Variants in RIPOR2 observed in about 807,000 individuals in gnomAD.
RIPOR2 encodes RHO family interacting cell polarization regulator 2, also known as rho family-interacting cell polarization regulator 2.
A neutral mutation model predicts 114.5 loss-of-function variants in RIPOR2; 39 were observed. The observed-to-expected ratio is 0.34, with a 90% CI of 0.26 to 0.44. The LOEUF is 0.44. Among genes scored for constraint, RIPOR2 ranks in the 20% least tolerant of loss-of-function variants. RIPOR2 has a pLI of 1.00. For synonymous variants in RIPOR2, 445 were observed against 484.4 expected, an observed-to-expected ratio of 0.92 and a Z score of 1.07; for missense variants, 1,007 against 1,255.1, an observed-to-expected ratio of 0.80 and a Z score of 2.99.
chr6:24,923,876 T>A (rs117983320), intron 1 of RIPOR2, among the ~76,000 whole-genome samples: 1 of 151,948 alleles, frequency 6.6e-6, no homozygotes, highest in African/African-American at 2.4e-5. Flanking sequence ...AATAAATAAA[T>A]AAACAAATAA....
rs146883635 is a variant in RIPOR2 at position 24,879,928 on chromosome 6, T to C, written c.62-4111A>G. Among the ~76,000 whole-genome samples, 65 of 152,314 alleles carry C rather than the reference T, an allele frequency of 4.3e-4. No individual in the cohort carries two copies. The East Asian group carries it at 0.012, about 28-fold the overall frequency. ...TCTAAAATTTTTGGGTTTTAAAGGC[T>C]TAATTGCCTCTGCCAGAGTAATCTG... On this transcript the variant is annotated intron_variant, in intron 1 of 21. Coordinates refer to ENST00000643898, the MANE Select transcript of RIPOR2 (RefSeq NM_001286445.3).
At chr6:24,994,927 A>G (rs991658638) in intron 1 of RIPOR2, among the ~76,000 whole-genome samples, 2 of 152,092 alleles carry the variant, frequency 1.3e-5, no homozygotes, top group Admixed American at 6.5e-5. Context: ...TGGAGCTCAC[A>G]TTTTGTTTAG....
chr6:25,014,703 A>G (rs553766426), intron 1 of RIPOR2, among the ~76,000 whole-genome samples: 1 of 152,328 alleles, frequency 6.6e-6, no homozygotes, highest in Admixed American at 6.5e-5. Context: ...TGGGAAGGAC[A>G]AGGAGGAGAA....
chr6:25,023,975 C>T (rs1776467469), intron 1 of RIPOR2: 2 of 734,566 alleles, frequency 2.7e-6, no homozygotes, highest in Non-Finnish European at 5.1e-6. Context: ...TTGGGAGTGA[C>T]CGGGATAGGA....
At chr6:24,857,259 A>G (rs932622022) in intron 8 of RIPOR2, among the ~76,000 whole-genome samples, 2 of 152,080 alleles carry the variant, frequency 1.3e-5, no homozygotes, top group African/African-American at 4.8e-5. Flanking sequence ...GCATTTTCAC[A>G]GTTGGAGAAA....
chr6:24,852,743 T>C, intron 8 of RIPOR2, 125 bp from the exon 9 acceptor site: 1 of 630,750 alleles, frequency 1.6e-6, no homozygotes, highest in Non-Finnish European at 2.6e-6. Flanking sequence ...ATAACACTTT[T>C]TGGGGCCATT....
At chr6:24,973,012 T>G (rs1581895677) in intron 1 of RIPOR2, among the ~76,000 whole-genome samples, 1 of 152,270 alleles carries the variant, frequency 6.6e-6, no homozygotes, top group East Asian at 1.9e-4. Context: ...ATCCCAGCTC[T>G]TTTAATTATC....
intron 12 of RIPOR2, among the ~76,000 whole-genome samples, chr6:24,845,808 G>C (rs573570309): frequency 6.6e-6 from 1 of 152,308 alleles, no homozygotes; most frequent in African/African-American, 2.4e-5. Flanking sequence ...CTGGAGCTCA[G>C]TGTGGAAGAT....
intron 1 of RIPOR2, among the ~76,000 whole-genome samples, chr6:24,928,654 C>G (rs1266792118): frequency 7.9e-5 from 12 of 152,156 alleles, no homozygotes; most frequent in Admixed American, 7.2e-4. Flanking sequence ...AATTCAAAGG[C>G]AAAGAAAGAA....
chr6:24,932,649 T>C (rs938086747), intron 1 of RIPOR2, among the ~76,000 whole-genome samples: 3 of 152,192 alleles, frequency 2.0e-5, no homozygotes, highest in Admixed American at 6.5e-5. Flanking sequence ...CAGATCTTTA[T>C]AGTGTCCATA....
intron 13 of RIPOR2, chr6:24,839,834 A>C: frequency 1.5e-6 from 2 of 1,299,392 alleles, no homozygotes; most frequent in Non-Finnish European, 1.9e-6. Context: ...GGCGCTAGCT[A>C]TCTAAGGCAT....
Position 24,920,981 on chromosome 6 carries a change from C to A in RIPOR2, c.61+14857G>T, listed in dbSNP as rs954645399. The stretch of plus-strand genomic sequence containing the variant: ...CTCCTAACCTACCTTTTCCCCTATT[C>A]CCCCATCTTTCTTTCCAAGACAACA... On this transcript the variant is annotated intron_variant, in intron 1 of 21. Coordinates refer to ENST00000643898, the MANE Select transcript of RIPOR2 (RefSeq NM_001286445.3). 9.2e-5 allele frequency among the ~76,000 whole-genome samples: 14 copies of A among 152,272 alleles called. 1 individual carries two copies. Among genetic ancestry groups the A allele is most frequent in the Admixed American group, 6.5e-4 (10 of 15,296 alleles).
chr6:24,895,715 G>C (rs761833067), intron 1 of RIPOR2, among the ~76,000 whole-genome samples: 1 of 152,170 alleles, frequency 6.6e-6, no homozygotes, highest in African/African-American at 2.4e-5. Flanking sequence ...CTTCGGCCGG[G>C]CGCTGTGGCT....
intron 7 of RIPOR2, among the ~76,000 whole-genome samples, chr6:24,861,969 G>A (rs1483574403): frequency 6.6e-6 from 1 of 152,194 alleles, no homozygotes; most frequent in African/African-American, 2.4e-5. Flanking sequence ...AGTGAGTAAG[G>A]CAGACTTCCT....
chr6:25,023,312 A>C, intron 1 of RIPOR2: 1 of 784,604 alleles, frequency 1.3e-6, no homozygotes, highest in African/African-American at 1.7e-5. Flanking sequence ...GAGGGAATTG[A>C]TGTTGATGAA....
At position 24,830,688 on chromosome 6, in the gene RIPOR2, C is replaced by A; in HGVS notation, c.2345-18G>T. ...TGGTATGGCTGGAAAAGAAGAGCAA[C>A]CCCCCATCTCGTAACACATTTTATT... On this transcript the variant is annotated intron_variant, in intron 16 of 21. Transcript: ENST00000643898. The A allele has an allele frequency of 6.5e-7, 1 of 1,540,428 alleles. No individual in the cohort carries two copies.
intron 1 of RIPOR2, among the ~76,000 whole-genome samples, chr6:25,013,071 T>A (rs952502188): frequency 3.3e-5 from 5 of 151,790 alleles, no homozygotes; most frequent in African/African-American, 1.2e-4. Context: ...ATCTGCAGAA[T>A]GCTGTCTGGC....
chr6:24,818,642 G>C lies in RIPOR2; in HGVS notation c.2869-17C>G, dbSNP rs747002308. 5 of 1,519,182 alleles carry C rather than the reference G, an allele frequency of 3.3e-6. No homozygotes were observed. The highest frequency in any genetic ancestry group is 4.5e-6 in the Non-Finnish European group (5 of 1,123,220). The allele number at this position is 1,519,182 out of a possible 1,614,324, so 94.1% of individuals were successfully genotyped here. A position where few individuals can be genotyped will look rare whatever the true frequency, so the allele number is the denominator to read the frequency against. ...GAGCAAGGCCTGAAAGAGAAGGAGGGACCTCATGAAGGCATTTTGGTTTGT... is the reference window on the plus strand; with the variant it reads ...GAGCAAGGCCTGAAAGAGAAGGAGGCACCTCATGAAGGCATTTTGGTTTGT... On this transcript the variant is annotated splice_polypyrimidine_tract_variant and intron_variant, in intron 19 of 21. Transcript: ENST00000643898.
upstream of RIPOR2, chr6:25,042,090 G>A (rs183333239): frequency 3.8e-6 from 2 of 528,340 alleles, no homozygotes; most frequent in Admixed American, 7.3e-5. Flanking sequence ...TGAGGCTTCC[G>A]TTGACTTCTT....
Sources: gnomAD v4.1 joint callset for allele counts (sites outside exome capture counted in the v4.1 genomes callset) on GRCh38, gnomAD v4.1.1 for gene constraint, MANE v1.5 for transcripts, NCBI Gene and HGNC (gene_info 2026-07-23, HGNC 2026-07-21) for gene names.